STAT1: variants seen among roughly 807,000 people sequenced by gnomAD.
The protein encoded by STAT1 is signal transducer and activator of transcription 1-alpha/beta.
A neutral mutation model predicts 111.7 loss-of-function variants in STAT1; 24 were observed. The observed-to-expected ratio is 0.21, with a 90% CI of 0.16 to 0.30. The LOEUF is 0.30. STAT1 is among the 10% of genes least tolerant of loss of function. The pLI, the probability that STAT1 is intolerant of heterozygous loss-of-function variation, is 1.00. For missense variants in STAT1, 351 were observed against 911.9 expected (o/e 0.38, Z 7.92); for synonymous variants, 332 against 326.5 (o/e 1.02, Z -0.18).
Position 190,982,628 on chromosome 2 carries a change from C to T in STAT1, c.1447-110G>A. 1 of 1,195,398 alleles carries T rather than the reference C, an allele frequency of 8.4e-7. No individual in the cohort carries two copies. Among genetic ancestry groups the T allele is most frequent in the Admixed American group, 1.8e-5 (1 of 54,856 alleles). The allele number at this position is 1,195,398 out of a possible 1,614,324, so 74.0% of individuals were successfully genotyped here. A position where few individuals can be genotyped will look rare whatever the true frequency, so the allele number is the denominator to read the frequency against. On this transcript the variant is annotated intron_variant, in intron 17 of 24. Transcript: ENST00000361099. This position sits in a 1 kb window ranked among gnomAD's most constrained non-coding sequence, Gnocchi z 7.3. ...GTTCAATTCTAGTTTATATGACACA[C>T]AGGTGCTTTCACAGTAGGGGAAGAG...
In STAT1 at chr2:190,977,534, G is replaced by A. The variant is rs562715589; in HGVS notation, c.1874-509C>T. Among the ~76,000 whole-genome samples the A allele has an allele frequency of 4.6e-5, 7 of 152,182 alleles. No individual in the cohort carries two copies. The South Asian group carries it at 6.2e-4, about 14-fold the overall frequency. On this transcript the variant is annotated intron_variant, in intron 21 of 24. Coordinates refer to ENST00000361099, the MANE Select transcript of STAT1 (RefSeq NM_007315.4). This position sits in a 1 kb window ranked among gnomAD's most constrained non-coding sequence, Gnocchi z 4.7. ...GCTACATTTCCCTGTAACCCTTAAC[G>A]TAATAAACCATGGTTTAATTTACTC...
Position 190,975,969 on chromosome 2 carries a change from GTTC to G in STAT1, c.2060-85_2060-83del, listed in dbSNP as rs45515791. The G allele has an allele frequency of 7.2e-3, 8,739 of 1,211,616 alleles. 211 individuals carry two copies. Among genetic ancestry groups the G allele is most frequent in the East Asian group, 0.053 (2,162 of 41,172 alleles). The allele number at this position is 1,211,616 out of a possible 1,614,324, so 75.1% of individuals were successfully genotyped here. On this transcript the variant is annotated intron_variant, in intron 22 of 24. Transcript: ENST00000361099. This position sits in a 1 kb window ranked among gnomAD's most constrained non-coding sequence, Gnocchi z 5.9. ...ACATCAACTTTTCGGGGGGATTAAA[GTTC>G]TACTGTGTTTCTAGACAGCTTAGCC...
At position 190,977,249 on chromosome 2, in the gene STAT1, C is replaced by T. The variant is rs1691976225; in HGVS notation, c.1874-224G>A. 6.6e-6 allele frequency among the ~76,000 whole-genome samples: 1 copy of T among 152,086 alleles called. No homozygotes were observed. Among genetic ancestry groups the T allele is most frequent in the Non-Finnish European group, 1.5e-5 (1 of 68,004 alleles). ...ATTATTCTCAATAACATTCTATTTG[C>T]CATTATTTGCTTAGATTTATAAATC... On this transcript the variant is annotated intron_variant, in intron 21 of 24. Coordinates refer to ENST00000361099, the MANE Select transcript of STAT1 (RefSeq NM_007315.4). The surrounding 1 kb of genome is among the most constrained non-coding windows in gnomAD (Gnocchi z 4.7).
rs1693206729 is a variant in STAT1, at chr2:190,990,192, T to C, written c.1038-518A>G. The stretch of plus-strand genomic sequence containing the variant: ...GTGAGAGGGTGTACCTCTGCTCCAC[T>C]GAGCTGGAGACTTTGAGAAGGAGAC... On this transcript the variant is annotated intron_variant, in intron 11 of 24. Transcript: ENST00000361099. The surrounding 1 kb of genome is among the most constrained non-coding windows in gnomAD (Gnocchi z 5.1). Among the ~76,000 whole-genome samples the C allele has an allele frequency of 6.6e-6, 1 of 152,206 alleles. No individual in the cohort carries two copies. The highest frequency in any genetic ancestry group is 6.5e-5 in the Admixed American group (1 of 15,282).
chr2:191,001,239 G>A (rs1447189955), intron 5 of STAT1, 76 bp from the exon 6 acceptor site: 2 of 1,110,426 alleles, frequency 1.8e-6, no homozygotes, highest in Non-Finnish European at 2.8e-6. Flanking sequence ...CCAAAGTCAA[G>A]TCCCCACTTG....
rs757612303 is a variant in STAT1 at position 190,998,351 on chromosome 2, A to C, written c.542-43T>G. 6.8e-6 allele frequency: 10 copies of C among 1,468,252 alleles called. No individual in the cohort carries two copies. In the South Asian group the frequency reaches 1.1e-4, roughly 17 times the overall value. The allele number at this position is 1,468,252 out of a possible 1,614,324, so 91.0% of individuals were successfully genotyped here. ...GCCAGTAAATATATAAAGAAGACAA[A>C]ACCAACAAAAGCCAAGATTCATATA... On this transcript the variant is annotated intron_variant, in intron 7 of 24. Transcript: ENST00000361099. This position sits in a 1 kb window ranked among gnomAD's most constrained non-coding sequence, Gnocchi z 4.1.
At position 190,986,022 on chromosome 2, in the gene STAT1, C is replaced by T. The variant is rs146705557; in HGVS notation, c.1222-362G>A. On this transcript the variant is annotated intron_variant, in intron 14 of 24. Coordinates refer to ENST00000361099, the MANE Select transcript of STAT1 (RefSeq NM_007315.4). The surrounding 1 kb of genome is among the most constrained non-coding windows in gnomAD (Gnocchi z 5.0). ...CTCAGCAGAGTCCTCCAGGCTGGGCCCAGTGACTCCAGGTCCACCTGCCCT... is the reference window on the plus strand; with the variant it reads ...CTCAGCAGAGTCCTCCAGGCTGGGCTCAGTGACTCCAGGTCCACCTGCCCT... Among the ~76,000 whole-genome samples, 18 of 152,304 alleles carry T rather than the reference C, an allele frequency of 1.2e-4. No homozygotes were observed. Among genetic ancestry groups the T allele is most frequent in the African/African-American group, 3.6e-4 (15 of 41,578 alleles).
At position 191,006,421 on chromosome 2, in the gene STAT1, G is replaced by A. The variant is rs182792383; in HGVS notation, c.372+1142C>T. ...CTCAGTTCAGCAAGATGCTATCAGT[G>A]TGACAAGAAGATGGGAACTATACGC... is the stretch of plus-strand genomic sequence containing the variant. On this transcript the variant is annotated intron_variant, in intron 5 of 24. Coordinates refer to ENST00000361099, the MANE Select transcript of STAT1 (RefSeq NM_007315.4). This position sits in a 1 kb window ranked among gnomAD's most constrained non-coding sequence, Gnocchi z 4.6. Among the ~76,000 whole-genome samples, 1 of 152,312 alleles carries A rather than the reference G, an allele frequency of 6.6e-6. No homozygotes were observed. Among genetic ancestry groups the A allele is most frequent in the African/African-American group, 2.4e-5 (1 of 41,570 alleles).
chr2:191,013,390 G>T (rs377032911), intron 2 of STAT1, 135 bp downstream of exon 2: 11 of 114,746 alleles, frequency 9.6e-5, no homozygotes, highest in Non-Finnish European at 2.4e-4. Context: ...ATTTTGGGGT[G>T]GGGGGTCTGC....
chr2:190,980,602 A>G lies in STAT1; in HGVS notation c.1632+18T>C. 6.2e-7 allele frequency: 1 copy of G among 1,613,976 alleles called. No homozygotes were observed. Among genetic ancestry groups the G allele is most frequent in the Non-Finnish European group, 8.5e-7 (1 of 1,179,806 alleles). On this transcript the variant is annotated intron_variant, in intron 19 of 24. Transcript: ENST00000361099. The surrounding 1 kb of genome is among the most constrained non-coding windows in gnomAD (Gnocchi z 6.1). The stretch of plus-strand genomic sequence containing the variant: ...AGCAAAAAGGACTTAGAGAGCATAA[A>G]ACCCAGACAGTCCTCACCTTACAAA...
At chr2:191,002,536 C>A (rs774661689) in intron 5 of STAT1, among the ~76,000 whole-genome samples, 4 of 152,078 alleles carry the variant, frequency 2.6e-5, no homozygotes, top group African/African-American at 4.8e-5. Flanking sequence ...TTGTGTAGCT[C>A]CAGAAAACAA....
Position 190,983,747 on chromosome 2 carries a change from GA to G in STAT1, c.1348-8del. Reference sequence around the variant, plus strand: ...CAACGGGCAGAGAGGTCGTCTAAAGGATGACAAAGACCTTGAAATCATCTGA... The same window carrying G: ...CAACGGGCAGAGAGGTCGTCTAAAGGTGACAAAGACCTTGAAATCATCTGA... On this transcript the variant is annotated splice_polypyrimidine_tract_variant and splice_region_variant and intron_variant, in intron 16 of 24. Transcript: ENST00000361099. This position sits in a 1 kb window ranked among gnomAD's most constrained non-coding sequence, Gnocchi z 5.7. 6.2e-7 allele frequency: 1 copy of G among 1,613,054 alleles called. No homozygotes were observed. The highest frequency in any genetic ancestry group is 8.5e-7 in the Non-Finnish European group (1 of 1,179,030).
chr2:190,983,453 C>T lies in STAT1; in HGVS notation c.1446+189G>A, dbSNP rs1351471321. Among the ~76,000 whole-genome samples, 4 of 152,148 alleles carry T rather than the reference C, an allele frequency of 2.6e-5. No individual in the cohort carries two copies. Among genetic ancestry groups the T allele is most frequent in the South Asian group, 2.1e-4 (1 of 4,834 alleles). On this transcript the variant is annotated intron_variant, in intron 17 of 24. Coordinates refer to ENST00000361099, the MANE Select transcript of STAT1 (RefSeq NM_007315.4). The surrounding 1 kb of genome is among the most constrained non-coding windows in gnomAD (Gnocchi z 5.7). ...TAGCTTACCCACATGGGAGAAAAAA[C>T]GTAATTCTCATTTCAAATACATATC...
In STAT1 at chr2:190,974,653, G is replaced by T. The variant is rs1691762198; in HGVS notation, c.2238+177C>A. Among the ~76,000 whole-genome samples the T allele has an allele frequency of 6.6e-6, 1 of 152,248 alleles. No homozygotes were observed. On this transcript the variant is annotated intron_variant, in intron 24 of 24. Coordinates refer to ENST00000361099, the MANE Select transcript of STAT1 (RefSeq NM_007315.4). This position sits in a 1 kb window ranked among gnomAD's most constrained non-coding sequence, Gnocchi z 4.8. ...GAGGAATAAAAATCCCACTGATGAT[G>T]TAGGTGGTTTAAATCCAGCAGCTCC...
rs759211334 is a variant in STAT1 at position 191,004,988 on chromosome 2, C to T, written c.372+2575G>A. ...ACTTAGTGTGCTGTAAGACAGCACA[C>T]GAAACATTTATAGTCTACTACAGTG... On this transcript the variant is annotated intron_variant, in intron 5 of 24. Transcript: ENST00000361099. This position sits in a 1 kb window ranked among gnomAD's most constrained non-coding sequence, Gnocchi z 5.0. 1.1e-4 allele frequency among the ~76,000 whole-genome samples: 16 copies of T among 152,046 alleles called. No individual in the cohort carries two copies. The highest frequency in any genetic ancestry group is 2.2e-4 in the Non-Finnish European group (15 of 67,992).
rs1051247315 is a variant in STAT1 at position 190,993,639 on chromosome 2, G to C, written c.944+1422C>G. ...CTGCTGCCCTGACTCTCTGCACCAC[G>C]GGTAACTGAAGGAAAGGAATGAGAT... is the stretch of plus-strand genomic sequence containing the variant. On this transcript the variant is annotated intron_variant, in intron 10 of 24. Transcript: ENST00000361099. This position sits in a 1 kb window ranked among gnomAD's most constrained non-coding sequence, Gnocchi z 4.1. 7 of 553,404 alleles carry C rather than the reference G, an allele frequency of 1.3e-5. No individual in the cohort carries two copies. Among genetic ancestry groups the C allele is most frequent in the Admixed American group, 9.2e-5 (4 of 43,666 alleles). The allele number at this position is 553,404 out of a possible 1,614,324, so 34.3% of individuals were successfully genotyped here. A position where few individuals can be genotyped will look rare whatever the true frequency, so the allele number is the denominator to read the frequency against.
Position 190,996,820 on chromosome 2 carries a change from T to C in STAT1, c.785+1036A>G, listed in dbSNP as rs1405164982. On this transcript the variant is annotated intron_variant, in intron 9 of 24. Coordinates refer to ENST00000361099, the MANE Select transcript of STAT1 (RefSeq NM_007315.4). The surrounding 1 kb of genome is among the most constrained non-coding windows in gnomAD (Gnocchi z 4.5). ...GCCACCTTCCCTCATGTTCACTCTGTGATTCCAAGTTCAGCTCCTGTTGCC... is the reference window on the plus strand; with the variant it reads ...GCCACCTTCCCTCATGTTCACTCTGCGATTCCAAGTTCAGCTCCTGTTGCC... Among the ~76,000 whole-genome samples the C allele has an allele frequency of 6.6e-6, 1 of 152,230 alleles. No individual in the cohort carries two copies. Among genetic ancestry groups the C allele is most frequent in the Non-Finnish European group, 1.5e-5 (1 of 68,040 alleles).
At chr2:190,994,927 A>T (rs867412322) in intron 10 of STAT1, 134 bp downstream of exon 10, 1,769 of 134,744 alleles carry the variant, frequency 0.013, 27 homozygotes, top group African/African-American at 0.052. Context: ...AAAAAAAAAA[A>T]ATATATATAT....
Position 191,007,746 on chromosome 2 carries a change from T to C in STAT1, c.274-85A>G. ...TATTGTAAGTTGATATGAATTTGTT[T>C]ATATTCTCCGGGAAACCTCATCTCT... On this transcript the variant is annotated intron_variant, in intron 4 of 24. Coordinates refer to ENST00000361099, the MANE Select transcript of STAT1 (RefSeq NM_007315.4). The surrounding 1 kb of genome is among the most constrained non-coding windows in gnomAD (Gnocchi z 4.2). The C allele has an allele frequency of 9.8e-7, 1 of 1,020,878 alleles. No homozygotes were observed. 63.2% of individuals were successfully genotyped at this position (1,020,878 alleles called of 1,614,324 possible).
Sources: gnomAD v4.1 joint callset for allele counts (sites outside exome capture counted in the v4.1 genomes callset) on GRCh38, gnomAD v4.1.1 for gene constraint, Gnocchi (gnomAD v3.1) non-coding constraint, MANE v1.5 for transcripts, NCBI Gene and HGNC (gene_info 2026-07-23, HGNC 2026-07-21) for gene names.